The following MACROD2 variants were observed in gnomAD, a reference collection of about 807,000 sequenced individuals.
MACROD2 encodes the protein ADP-ribose glycohydrolase MACROD2.
Under a neutral mutation model 70.4 loss-of-function variants are expected in MACROD2, and 36 were observed. That is an observed-to-expected ratio of 0.51 (90% CI 0.39 to 0.68). The LOEUF is 0.68. Among genes scored for constraint, MACROD2 ranks in the 30% least tolerant of loss-of-function variants. The pLI, the probability that MACROD2 is intolerant of heterozygous loss-of-function variation, is 0.00. For missense variants in MACROD2, 496 were observed against 538.4 expected (o/e 0.92, Z 0.78); for synonymous variants, 172 against 178.8 (o/e 0.96, Z 0.30).
At chr20:15,982,843 G>A (rs2066421212) in intron 13 of MACROD2, among the ~76,000 whole-genome samples, 1 of 152,228 alleles carries the variant, frequency 6.6e-6, no homozygotes, top group Admixed American at 6.5e-5. Context: ...TTGCCTAAGA[G>A]TTAGCTTATC....
chr20:14,614,120 T>A (rs900390079), intron 4 of MACROD2, among the ~76,000 whole-genome samples: 9 of 152,166 alleles, frequency 5.9e-5, no homozygotes, highest in African/African-American at 2.2e-4. Flanking sequence ...AGTCATAAAT[T>A]CGGAGCCTGA....
intron 12 of MACROD2, among the ~76,000 whole-genome samples, chr20:15,957,689 A>G (rs76440525): frequency 3.0e-3 from 450 of 152,306 alleles, no homozygotes; most frequent in African/African-American, 0.01. Context: ...CTGCCCAAAG[A>G]AGGAAGTCTC....
At chr20:14,092,331 T>G (rs748033616) in intron 3 of MACROD2, among the ~76,000 whole-genome samples, 3 of 152,176 alleles carry the variant, frequency 2.0e-5, no homozygotes, top group Non-Finnish European at 2.9e-5. Context: ...GTTCATATCT[T>G]TTGCCATTTT....
At chr20:14,427,271 A>G (rs2083944129) in intron 3 of MACROD2, among the ~76,000 whole-genome samples, 1 of 151,950 alleles carries the variant, frequency 6.6e-6, no homozygotes, top group African/African-American at 2.4e-5. Flanking sequence ...GTGTTGATAA[A>G]TCTAGCAGAT....
intron 15 of MACROD2, among the ~76,000 whole-genome samples, chr20:16,005,942 TTA>T (rs1158269467): frequency 6.6e-6 from 1 of 152,304 alleles, no homozygotes; most frequent in Non-Finnish European, 1.5e-5. Flanking sequence ...TTCAAAAGCT[TTA>T]TGTTTTTCCC....
Position 14,225,069 on chromosome 20 carries a change from G to A in MACROD2, c.271+139341G>A, listed in dbSNP as rs138854482. On this transcript the variant is annotated intron_variant, in intron 3 of 17. Coordinates refer to ENST00000684519, the MANE Select transcript of MACROD2 (RefSeq NM_001351661.2). The stretch of plus-strand genomic sequence containing the variant: ...GTTTCTTTCAGGTTGTAGGTCAGAT[G>A]GGTGTTCACTGACATCTTTAGATCC... Among the ~76,000 whole-genome samples the A allele has an allele frequency of 2.9e-3, 437 of 152,282 alleles. 6 individuals carry two copies. The highest frequency in any genetic ancestry group is 0.01 in the African/African-American group (421 of 41,564).
chr20:15,486,188 G>A (rs2047160836), intron 7 of MACROD2, among the ~76,000 whole-genome samples: 1 of 152,194 alleles, frequency 6.6e-6, no homozygotes, highest in African/African-American at 2.4e-5. Context: ...GGTAGGTAAT[G>A]TCAAGTTCCA....
intron 5 of MACROD2, among the ~76,000 whole-genome samples, chr20:15,083,638 G>A (rs1487105902): frequency 1.3e-5 from 2 of 151,710 alleles, no homozygotes; most frequent in Non-Finnish European, 2.9e-5. Context: ...TTCTAGGCTG[G>A]CATGTAAAAT....
intron 3 of MACROD2, among the ~76,000 whole-genome samples, chr20:14,364,748 C>A (rs1472160869): frequency 6.6e-6 from 1 of 152,138 alleles, no homozygotes; most frequent in African/African-American, 2.4e-5. Context: ...GTTAGCATAA[C>A]GTTTTCAAAG....
At chr20:14,807,025 T>C (rs368262529) in intron 5 of MACROD2, among the ~76,000 whole-genome samples, 23 of 152,240 alleles carry the variant, frequency 1.5e-4, no homozygotes, top group African/African-American at 5.3e-4. Context: ...TTTAGCAGAC[T>C]TAAACGTTCC....
intron 4 of MACROD2, among the ~76,000 whole-genome samples, chr20:14,615,794 C>A (rs1256267692): frequency 6.6e-6 from 1 of 152,060 alleles, no homozygotes; most frequent in South Asian, 2.1e-4. Flanking sequence ...ATAAACTACA[C>A]TAAGGATCAA....
At chr20:15,368,637 A>C (rs1483621373) in intron 6 of MACROD2, among the ~76,000 whole-genome samples, 3 of 151,854 alleles carry the variant, frequency 2.0e-5, no homozygotes, top group Non-Finnish European at 1.5e-5. Flanking sequence ...TAGTTTTTGT[A>C]TTTTTAGTAG....
intron 8 of MACROD2, among the ~76,000 whole-genome samples, chr20:15,514,138 A>G (rs1437302523): frequency 7.9e-5 from 12 of 152,266 alleles, no homozygotes; most frequent in Admixed American, 7.8e-4. Context: ...AAAGTTTAAA[A>G]AATAAAAAAT....
chr20:15,881,768 C>G (rs1415891821), intron 9 of MACROD2, among the ~76,000 whole-genome samples: 1 of 152,092 alleles, frequency 6.6e-6, no homozygotes, highest in Non-Finnish European at 1.5e-5. Flanking sequence ...TATTATCATT[C>G]TTGCTTTTAG....
In MACROD2 at chr20:15,192,126, C is replaced by T. The variant is rs1279669765; in HGVS notation, c.419-37814C>T. 5.3e-5 allele frequency among the ~76,000 whole-genome samples: 8 copies of T among 151,402 alleles called. No individual in the cohort carries two copies. The East Asian group carries it at 1.6e-3, about 29-fold the overall frequency. On this transcript the variant is annotated intron_variant, in intron 5 of 17. Transcript: ENST00000684519. ...GGAATTGATCCCAGAAAATATTAATCCTCTCTTCCCTTTCCTTCCCACCTT... is the reference window on the plus strand; with the variant it reads ...GGAATTGATCCCAGAAAATATTAATTCTCTCTTCCCTTTCCTTCCCACCTT...
chr20:15,605,451 A>AGTGT (rs1491508756), intron 8 of MACROD2, among the ~76,000 whole-genome samples: 1 of 108,484 alleles, frequency 9.2e-6, no homozygotes, highest in Non-Finnish European at 1.9e-5. Flanking sequence ...ACAGGATGTA[A>AGTGT]GCGTGTGTGT....
chr20:15,206,408 T>C (rs918597807), intron 5 of MACROD2, among the ~76,000 whole-genome samples: 5 of 152,198 alleles, frequency 3.3e-5, no homozygotes, highest in Non-Finnish European at 7.3e-5. Context: ...GTCATTCTGG[T>C]TTTAAGAATT....
At chr20:14,276,752 A>G (rs1168670921) in intron 3 of MACROD2, among the ~76,000 whole-genome samples, 1 of 152,178 alleles carries the variant, frequency 6.6e-6, no homozygotes, top group Non-Finnish European at 1.5e-5. Context: ...GTATGGTCTC[A>G]TTAGAACATT....
chr20:15,666,306 C>T (rs533394008), intron 8 of MACROD2, among the ~76,000 whole-genome samples: 1 of 152,300 alleles, frequency 6.6e-6, no homozygotes, highest in Admixed American at 6.5e-5. Flanking sequence ...AATGACTAAT[C>T]AATCAATTAA....
Sources: allele counts gnomAD v4.1 joint callset (sites outside exome capture counted in the v4.1 genomes callset), GRCh38; gene constraint gnomAD v4.1.1; transcripts MANE v1.5; gene names NCBI Gene and HGNC (gene_info 2026-07-23, HGNC 2026-07-21).